MON2: variants seen among roughly 807,000 people sequenced by gnomAD.
MON2 encodes the protein protein MON2 homolog.
MON2 carries 84 observed loss-of-function variants against 208.6 expected under a neutral mutation model. The observed-to-expected ratio is 0.40, with a 90% CI of 0.34 to 0.48. The LOEUF (loss-of-function observed/expected upper bound fraction) is 0.48. Ranked by LOEUF, MON2 falls within the 20% of genes least tolerant of loss-of-function variation. The probability of loss-of-function intolerance (pLI) is 0.59; values close to 1 mark genes in which losing one functional copy is unlikely to be tolerated. For synonymous variants in MON2, 660 were observed against 694.0 expected (o/e 0.95, Z 0.77); for missense variants, 1,611 against 2,015.4 (o/e 0.80, Z 3.84).
chr12:62,483,049 A>T (rs983542126), intron 1 of MON2: 1 of 152,236 alleles, frequency 6.6e-6, no homozygotes, highest in African/African-American at 2.4e-5. Flanking sequence ...AAAAGGGGAA[A>T]AAAAGTAAAA....
intron 33 of MON2, among the ~76,000 whole-genome samples, chr12:62,586,765 T>C (rs1831696428): frequency 6.6e-6 from 1 of 152,146 alleles, no homozygotes; most frequent in Admixed American, 6.5e-5. Context: ...TTGAGTGGAA[T>C]ATTGTTAGAA....
intron 3 of MON2, among the ~76,000 whole-genome samples, chr12:62,494,793 A>G (rs1345397983): frequency 6.6e-6 from 1 of 152,224 alleles, no homozygotes; most frequent in African/African-American, 2.4e-5. Context: ...TGCTATTTGT[A>G]TATATTCAAA....
At chr12:62,569,279 C>G (rs1405077265) in intron 29 of MON2, among the ~76,000 whole-genome samples, 1 of 151,944 alleles carries the variant, frequency 6.6e-6, no homozygotes, top group Non-Finnish European at 1.5e-5. Flanking sequence ...TCAAAATGGC[C>G]CTATATCACT....
Position 62,595,148 on chromosome 12 carries a change from T to TA in MON2, c.*2399_*2400insA, listed in dbSNP as rs1031208941. On this transcript the variant is annotated 3_prime_UTR_variant, in exon 35 of 35. Transcript: ENST00000393630. ...TTACTAGAAATACTATGAGTTTTTT[T>TA]TTTTTTTTTCATTTGAGACGGAGTC... 6.6e-6 allele frequency: 1 copy of TA among 152,136 alleles called. No individual in the cohort carries two copies. Among genetic ancestry groups the TA allele is most frequent in the Non-Finnish European group, 1.5e-5 (1 of 68,036 alleles). 9.4% of individuals were successfully genotyped at this position (152,136 alleles called of 1,614,324 possible).
chr12:62,582,722 T>TAAA (rs34553715), intron 32 of MON2, among the ~76,000 whole-genome samples: 1 of 147,674 alleles, frequency 6.8e-6, no homozygotes. Context: ...TAGTTTTCAT[T>TAAA]AAAAAAAAAA....
In MON2 at chr12:62,574,376, GT is replaced by G. The variant is rs201549113; in HGVS notation, c.4514+2797del. Among the ~76,000 whole-genome samples, 769 of 152,082 alleles carry G rather than the reference GT, an allele frequency of 5.1e-3. 9 individuals carry two copies. The highest frequency in any genetic ancestry group is 0.018 in the African/African-American group (729 of 41,512). On this transcript the variant is annotated intron_variant, in intron 30 of 34. Coordinates refer to ENST00000393630, the MANE Select transcript of MON2 (RefSeq NM_015026.3). ...TTTAGCTCTAAATTTGGAGGTTTTT[GT>G]TTGTTTTTGTTTTTCTTGAGACAGT...
intron 23 of MON2, among the ~76,000 whole-genome samples, chr12:62,550,815 T>C (rs1472771192): frequency 1.3e-5 from 2 of 152,154 alleles, no homozygotes; most frequent in Admixed American, 6.5e-5. Context: ...AGGCGTTGGC[T>C]TAAGGGAATC....
chr12:62,537,795 G>A, intron 16 of MON2, 89 bp downstream of exon 16: 1 of 1,025,468 alleles, frequency 9.8e-7, no homozygotes, highest in Non-Finnish European at 1.5e-6. Context: ...TGATGTTTTG[G>A]ACAGGCCTAA....
At chr12:62,548,929 G>A (rs569428123) in intron 22 of MON2, among the ~76,000 whole-genome samples, 3 of 152,070 alleles carry the variant, frequency 2.0e-5, no homozygotes, top group Non-Finnish European at 4.4e-5. Context: ...GATACAGTAC[G>A]GATATAAAAG....
intron 12 of MON2, among the ~76,000 whole-genome samples, 154 bp downstream of exon 12, chr12:62,532,824 C>G (rs1226388395): frequency 1.3e-5 from 2 of 152,152 alleles, no homozygotes; most frequent in Non-Finnish European, 2.9e-5. Context: ...ATACATGTGA[C>G]TATACTTTTT....
At chr12:62,509,059 CTG>C (rs1255114098) in intron 8 of MON2, 2 of 150,454 alleles carry the variant, frequency 1.3e-5, no homozygotes, top group Non-Finnish European at 3.0e-5. Flanking sequence ...TTTTAAAATT[CTG>C]TGTTAGGTCA....
At chr12:62,541,919 C>T (rs1381188883) in intron 19 of MON2, among the ~76,000 whole-genome samples, 3 of 151,998 alleles carry the variant, frequency 2.0e-5, no homozygotes, top group Non-Finnish European at 4.4e-5. Context: ...ACTTATATGC[C>T]AGGCACTTTC....
rs1044158176 is a variant in MON2, at chr12:62,553,882, GTCT to G, written c.3210+713_3210+715del. On this transcript the variant is annotated intron_variant, in intron 24 of 34. Coordinates refer to ENST00000393630, the MANE Select transcript of MON2 (RefSeq NM_015026.3). Reference sequence around the variant, plus strand: ...TTTTCAAATTAATAGACCCCAAAATGTCTTCTTAAAAAATTAATGGGCTGGGCA... The same window carrying G: ...TTTTCAAATTAATAGACCCCAAAATGTCTTAAAAAATTAATGGGCTGGGCA... Among the ~76,000 whole-genome samples, 9 of 152,024 alleles carry G rather than the reference GTCT, an allele frequency of 5.9e-5. No individual in the cohort carries two copies. The East Asian group carries it at 9.6e-4, about 16-fold the overall frequency.
chr12:62,562,229 T>G (rs959973446), intron 26 of MON2, among the ~76,000 whole-genome samples: 1 of 151,844 alleles, frequency 6.6e-6, no homozygotes, highest in African/African-American at 2.4e-5. Flanking sequence ...CCCTTTGAGA[T>G]GCCCGTAATC....
At chr12:62,492,679 TTATAA>T (rs1208659187) in intron 2 of MON2, among the ~76,000 whole-genome samples, 2 of 142,160 alleles carry the variant, frequency 1.4e-5, no homozygotes, top group Non-Finnish European at 3.1e-5. Context: ...CCGTTAGTTC[TTATAA>T]TAAAAAATAA....
intron 19 of MON2, among the ~76,000 whole-genome samples, chr12:62,541,967 T>C (rs1332509203): frequency 6.6e-6 from 1 of 152,178 alleles, no homozygotes; most frequent in Non-Finnish European, 1.5e-5. Context: ...ATTATCTTCA[T>C]TTTTTAGGTT....
intron 12 of MON2, 23 bp from the exon 13 acceptor site, chr12:62,534,822 A>G (rs371553191): frequency 6.5e-7 from 1 of 1,546,190 alleles, no homozygotes; most frequent in African/African-American, 1.4e-5. Context: ...AAAATTAAAT[A>G]TTGTATGTTT....
Position 62,553,094 on chromosome 12 carries a change from G to A in MON2, c.3130G>A (p.Ala1044Thr). ...TCCCCGTCCTGCTGTCAGGAAGAGTGCAGGGCAAACTCTGTTTTCTACAAT... is the reference window on the plus strand; with the variant it reads ...TCCCCGTCCTGCTGTCAGGAAGAGTACAGGGCAAACTCTGTTTTCTACAAT... ...VDPRPAVRKS[A>T]GQTLFSTIGA... The change falls in exon 24 of 35, where the codon GCA (alanine) becomes ACA (threonine). Residue 1044 changes from alanine to threonine, a missense_variant. Transcript: ENST00000393630. 6.2e-7 allele frequency: 1 copy of A among 1,614,052 alleles called. No individual in the cohort carries two copies. Among genetic ancestry groups the A allele is most frequent in the Non-Finnish European group, 8.5e-7 (1 of 1,179,980 alleles).
rs144759479 is a variant in MON2 at position 62,588,821 on chromosome 12, A to C, written c.4990+665A>C. The stretch of plus-strand genomic sequence containing the variant: ...TAAACTAAAATTCTCAATCTTCCCA[A>C]ATTTTTTCAACCTTTTGTTTATTTC... On this transcript the variant is annotated intron_variant, in intron 34 of 34. Transcript: ENST00000393630. The C allele has an allele frequency of 3.8e-6, 5 of 1,320,856 alleles. No individual in the cohort carries two copies. The East Asian group carries it at 1.0e-4, about 27-fold the overall frequency. The allele number at this position is 1,320,856 out of a possible 1,614,324, so 81.8% of individuals were successfully genotyped here. A position where few individuals can be genotyped will look rare whatever the true frequency, so the allele number is the denominator to read the frequency against.
Sources: gnomAD v4.1 joint callset for allele counts (sites outside exome capture counted in the v4.1 genomes callset) on GRCh38, gnomAD v4.1.1 for gene constraint, MANE v1.5 for transcripts, NCBI Gene and HGNC (gene_info 2026-07-23, HGNC 2026-07-21) for gene names.